ZFYVE26: variants seen among roughly 807,000 people sequenced by gnomAD.
ZFYVE26 encodes zinc finger FYVE domain-containing protein 26.
ZFYVE26 carries 181 observed loss-of-function variants against 276.5 expected under a neutral mutation model. That is an observed-to-expected ratio of 0.65 (90% confidence interval 0.58 to 0.74). The LOEUF is 0.74. Among genes scored for constraint, ZFYVE26 ranks in the 30% least tolerant of loss-of-function variants. The probability of loss-of-function intolerance (pLI) is 0.00; values close to 1 mark genes in which losing one functional copy is unlikely to be tolerated. For synonymous variants in ZFYVE26, 1,129 were observed against 1,203.1 expected (o/e 0.94, Z 1.27); for missense variants, 2,821 against 3,097.9 (o/e 0.91, Z 2.12).
chr14:67,809,408 CTTTT>C (rs10580613), intron 3 of ZFYVE26, 119 bp from the exon 4 acceptor site: 584 of 211,948 alleles, frequency 2.8e-3, no homozygotes, highest in Non-Finnish European at 3.4e-3. Flanking sequence ...ATGAAGCACT[CTTTT>C]TTTTTTTTTT....
Position 67,805,281 on chromosome 14 carries a change from T to C in ZFYVE26, c.1207A>G (p.Arg403Gly), listed in dbSNP as rs1171374494. The C allele has an allele frequency of 6.2e-7, 1 of 1,614,094 alleles. No homozygotes were observed. Among genetic ancestry groups the C allele is most frequent in the Admixed American group, 1.7e-5 (1 of 60,010 alleles). The stretch of plus-strand genomic sequence containing the variant: ...GCCCACAACCCATCACAGGCATCCC[T>C]GAGGAGCTCATCACAGCCTGGGCCC... ...TQGPGCDELLRDACDGLWAHL... is the reference protein window; with the variant it reads ...TQGPGCDELLGDACDGLWAHL... Residue 403 changes from arginine (R) to glycine (G), a missense_variant, in exon 8 of 42, where the codon AGG (arginine) becomes GGG (glycine). Coordinates refer to ENST00000347230, the MANE Select transcript of ZFYVE26 (RefSeq NM_015346.4).
At chr14:67,803,505 C>T (rs1422974463) in intron 9 of ZFYVE26, among the ~76,000 whole-genome samples, 3 of 152,094 alleles carry the variant, frequency 2.0e-5, no homozygotes, top group Non-Finnish European at 4.4e-5. Context: ...CCACACCCGG[C>T]TAATTTTTTA....
In ZFYVE26 at chr14:67,761,575, C is replaced by T. The variant is rs138722104; in HGVS notation, c.6379G>A (p.Asp2127Asn). 51 of 1,613,840 alleles carry T rather than the reference C, an allele frequency of 3.2e-5. No homozygotes were observed. The highest frequency in any genetic ancestry group is 2.9e-4 in the African/African-American group (22 of 74,888). ...AGTTCCCTCAGGGTGGCAAAGTAAT[C>T]GTCATCTTGCTGACAGCACAGGGAG... is the stretch of plus-strand genomic sequence containing the variant. ...VRPFVSLQDDDYFATLRELEA... is the reference protein window; with the variant it reads ...VRPFVSLQDDNYFATLRELEA... Residue 2127 changes from aspartate to asparagine, a missense_variant, in exon 35 of 42, where the codon GAT becomes AAT. Asp to Asn is a conservative substitution (Grantham distance 23, BLOSUM62 1). Coordinates refer to ENST00000347230, the MANE Select transcript of ZFYVE26 (RefSeq NM_015346.4).
At chr14:67,815,104 T>C (rs1421997571) in intron 2 of ZFYVE26, among the ~76,000 whole-genome samples, 1 of 152,240 alleles carries the variant, frequency 6.6e-6, no homozygotes, top group Admixed American at 6.5e-5. Context: ...GGAATTCTTT[T>C]GTGGTAATGG....
chr14:67,772,970 GA>G (rs1255549027), intron 27 of ZFYVE26, among the ~76,000 whole-genome samples: 1 of 151,702 alleles, frequency 6.6e-6, no homozygotes, highest in Non-Finnish European at 1.5e-5. Context: ...AAAAGAAAAA[GA>G]AAAAAAGATT....
chr14:67,750,895 T>C (rs2038619302), intron 41 of ZFYVE26, 157 bp downstream of exon 41: 1 of 917,204 alleles, frequency 1.1e-6, no homozygotes, highest in East Asian at 2.5e-5. Context: ...CCCTCCTTTC[T>C]ACACCCCTAT....
At position 67,804,165 on chromosome 14, in the gene ZFYVE26, G is replaced by C. The variant is rs776661001; in HGVS notation, c.1371C>G (p.Leu457=). The C allele has an allele frequency of 6.2e-7, 1 of 1,614,222 alleles. No individual in the cohort carries two copies. The highest frequency in any genetic ancestry group is 8.5e-7 in the Non-Finnish European group (1 of 1,180,040). Residue 457 remains leucine, a synonymous_variant, in exon 9 of 42, where the codon CTC becomes CTG. Transcript: ENST00000347230. ...TLHHLTNLPA[L]REEDVLKLLQ... ...AGAGCTTGAGAACATCTTCCTCCCT[G>C]AGGGCTGGAAGGTTTGTAAGGTGAT...
At position 67,747,733 on chromosome 14, in the gene ZFYVE26, G is replaced by A. The variant is rs920451439; in HGVS notation, c.*703C>T. On this transcript the variant is annotated 3_prime_UTR_variant, in exon 42 of 42. Transcript: ENST00000347230. ...TTGCCCGTGTTAGCCTCACAGACCT[G>A]ATCATTTATACACATACCCACAGCT... is the stretch of plus-strand genomic sequence containing the variant. The A allele has an allele frequency of 2.1e-5, 3 of 141,958 alleles. No individual in the cohort carries two copies. Among genetic ancestry groups the A allele is most frequent in the Non-Finnish European group, 4.5e-5 (3 of 66,896 alleles). 8.8% of individuals were successfully genotyped at this position (141,958 alleles called of 1,614,324 possible). A position where few individuals can be genotyped will look rare whatever the true frequency, so the allele number is the denominator to read the frequency against.
At chr14:67,797,526 T>C in intron 12 of ZFYVE26, 146 bp downstream of exon 12, 1 of 879,486 alleles carries the variant, frequency 1.1e-6, no homozygotes, top group East Asian at 2.6e-5. Flanking sequence ...TAGGAAACTA[T>C]TAACAAGGGT....
intron 12 of ZFYVE26, 37 bp downstream of exon 12, chr14:67,797,635 A>G (rs1324725310): frequency 6.2e-7 from 1 of 1,603,562 alleles, no homozygotes; most frequent in Non-Finnish European, 8.5e-7. Context: ...GCATTACACC[A>G]CTTGCCTAGT....
downstream of ZFYVE26, among the ~76,000 whole-genome samples, chr14:67,742,828 TCTTC>T (rs1566856364): frequency 0.077 from 1,535 of 19,874 alleles, 59 homozygotes; most frequent in African/African-American, 0.12. Flanking sequence ...CTTTCTTCTT[TCTTC>T]TTCTTCTTTT....
chr14:67,756,344 A>T, intron 35 of ZFYVE26, 199 bp from the exon 36 acceptor site: 1 of 655,036 alleles, frequency 1.5e-6, no homozygotes, highest in Non-Finnish European at 2.7e-6. Context: ...TTTACAGAGA[A>T]GCCCCTAGAC....
rs2235967 is a variant in ZFYVE26 at position 67,782,782 on chromosome 14, C to G, written c.4370G>C (p.Cys1457Ser). 89 of 1,613,956 alleles carry G rather than the reference C, an allele frequency of 5.5e-5. No individual in the cohort carries two copies. The highest frequency in any genetic ancestry group is 7.0e-5 in the Non-Finnish European group (83 of 1,180,016). ...GGGAGGCATAGCATTCTGCTCACCACATGCCACAGCACAGCTCAGGACTGC... is the reference window on the plus strand; with the variant it reads ...GGGAGGCATAGCATTCTGCTCACCAGATGCCACAGCACAGCTCAGGACTGC... ...KDAVLSCAVA[C>S]DKEGWQYLFP... Residue 1457 changes from cysteine to serine, a missense_variant and splice_region_variant, in exon 21 of 42, where the codon TGT becomes TCT. Cys to Ser is a moderately radical substitution (Grantham distance 112, BLOSUM62 -1). Coordinates refer to ENST00000347230, the MANE Select transcript of ZFYVE26 (RefSeq NM_015346.4).
At chr14:67,764,306 A>G (rs946123296) in intron 32 of ZFYVE26, among the ~76,000 whole-genome samples, 5 of 152,176 alleles carry the variant, frequency 3.3e-5, no homozygotes. Context: ...GGGGGAGAGG[A>G]AAGTATAGTG....
chr14:67,815,286 G>C (rs540298015), intron 2 of ZFYVE26, among the ~76,000 whole-genome samples: 1 of 152,172 alleles, frequency 6.6e-6, no homozygotes, highest in Non-Finnish European at 1.5e-5. Context: ...TTTTGATATT[G>C]TACTACAGCT....
At chr14:67,808,459 T>C (rs1322980209) in intron 4 of ZFYVE26, among the ~76,000 whole-genome samples, 1 of 152,218 alleles carries the variant, frequency 6.6e-6, no homozygotes, top group African/African-American at 2.4e-5. Context: ...TAGTACCATA[T>C]GATTTAATAC....
chr14:67,807,146 G>A (rs1451768762), intron 5 of ZFYVE26, among the ~76,000 whole-genome samples: 1 of 152,134 alleles, frequency 6.6e-6, no homozygotes, highest in East Asian at 1.9e-4. Flanking sequence ...AACTCACTAT[G>A]TTGCAGAGGC....
chr14:67,767,749 T>C lies in ZFYVE26; in HGVS notation c.5745A>G (p.Lys1915=). The change falls in exon 31 of 42, where the codon AAA becomes AAG. Residue 1915 remains lysine (K), a synonymous_variant. Transcript: ENST00000347230. ...ADEVEWILDL[K]EEENELVRSE... is the part of the protein sequence containing the mutation. Reference sequence around the variant, plus strand: ...TCCGCACCAGCTCATTTTCCTCCTCTTTGAGATCCAAAATCCATTCCACCT... The same window carrying C: ...TCCGCACCAGCTCATTTTCCTCCTCCTTGAGATCCAAAATCCATTCCACCT... 2.5e-6 allele frequency: 4 copies of C among 1,614,190 alleles called. No individual in the cohort carries two copies. Among genetic ancestry groups the C allele is most frequent in the Non-Finnish European group, 3.4e-6 (4 of 1,180,038 alleles).
intron 27 of ZFYVE26, among the ~76,000 whole-genome samples, chr14:67,773,769 G>A (rs2140209613): frequency 6.6e-6 from 1 of 152,318 alleles, no homozygotes; most frequent in South Asian, 2.1e-4. Flanking sequence ...CCATTTAGCA[G>A]AGCAACACTG....
Sources: gnomAD v4.1 joint callset for allele counts (sites outside exome capture counted in the v4.1 genomes callset) on GRCh38, gnomAD v4.1.1 for gene constraint, MANE v1.5 for transcripts, NCBI Gene and HGNC (gene_info 2026-07-23, HGNC 2026-07-21) for gene names.